The following TTC27 variants were observed in gnomAD, a reference collection of about 807,000 sequenced individuals.
TTC27 encodes the protein tetratricopeptide repeat domain 27.
A neutral mutation model predicts 115.9 loss-of-function variants in TTC27; 79 were observed. That is an observed-to-expected ratio of 0.68 (90% confidence interval 0.57 to 0.82). The LOEUF is 0.82. Among genes scored for constraint, TTC27 ranks in the 40% least tolerant of loss-of-function variants. The pLI is 0.00. For synonymous variants in TTC27, 401 were observed against 356.0 expected (o/e 1.13, Z -1.42); for missense variants, 1,054 against 993.1 (o/e 1.06, Z -0.82).
intron 4 of TTC27, among the ~76,000 whole-genome samples, chr2:32,641,783 A>G (rs879629031): frequency 6.6e-6 from 1 of 152,158 alleles, no homozygotes; most frequent in Admixed American, 6.6e-5. Context: ...GGTTCAAGCA[A>G]TTCTTCTGCC....
chr2:32,787,005 A>T lies in TTC27; in HGVS notation c.1854A>T (p.Leu618Phe), dbSNP rs773481261. 7 of 1,612,750 alleles carry T rather than the reference A, an allele frequency of 4.3e-6. No homozygotes were observed. The highest frequency in any genetic ancestry group is 1.7e-4 in the Middle Eastern group (1 of 6,050). Reference sequence around the variant, plus strand: ...ATAGAGTAAAAGCTTTTAGAACTTTACAAGAAGCTCTCAAGTGTAACTATG... The same window carrying T: ...ATAGAGTAAAAGCTTTTAGAACTTTTCAAGAAGCTCTCAAGTGTAACTATG... ...LKQKVKAFRT[L>F]QEALKCNYEH... Residue 618 changes from leucine to phenylalanine, a missense_variant, in exon 16 of 20, where the codon TTA becomes TTT. By Grantham distance (22) the Leu-to-Phe change is conservative. Transcript: ENST00000317907.
chr2:32,812,533 G>A lies in TTC27; in HGVS notation c.2226G>A (p.Lys742=), dbSNP rs1671348661. The change falls in exon 18 of 20, where the codon AAG becomes AAA. Residue 742 remains lysine (K), a synonymous_variant. Transcript: ENST00000317907. The part of the protein sequence containing the change: ...KAFQCLSKAY[K]CDTQSNCWEK... Reference sequence around the variant, plus strand: ...TCCAGTGCCTCTCAAAGGCATACAAGTGTGACACCCAGTCCAATTGTTGGG... The same window carrying A: ...TCCAGTGCCTCTCAAAGGCATACAAATGTGACACCCAGTCCAATTGTTGGG... 5.0e-6 allele frequency: 8 copies of A among 1,613,866 alleles called. No homozygotes were observed. The highest frequency in any genetic ancestry group is 2.7e-5 in the African/African-American group (2 of 74,912).
intron 8 of TTC27, among the ~76,000 whole-genome samples, chr2:32,673,941 C>T (rs752663011): frequency 2.0e-5 from 3 of 152,086 alleles, no homozygotes; most frequent in South Asian, 2.1e-4. Flanking sequence ...GCTGAGATCA[C>T]GCCACTGCAC....
chr2:32,665,305 C>T (rs1274188508), intron 6 of TTC27, among the ~76,000 whole-genome samples: 1 of 152,096 alleles, frequency 6.6e-6, no homozygotes, highest in Non-Finnish European at 1.5e-5. Context: ...TAACTTGGAA[C>T]ACTGGCCAAG....
intron 9 of TTC27, among the ~76,000 whole-genome samples, chr2:32,686,856 T>C (rs1666647538): frequency 6.6e-6 from 1 of 152,118 alleles, no homozygotes; most frequent in South Asian, 2.1e-4. Flanking sequence ...TTCTTTTGTG[T>C]GTGTGTGAGA....
At chr2:32,736,655 C>T in intron 11 of TTC27, 39 bp from the exon 12 acceptor site, 1 of 1,611,890 alleles carries the variant, frequency 6.2e-7, no homozygotes, top group Non-Finnish European at 8.5e-7. Context: ...TCTCTTTTTA[C>T]ACCAAGAAGT....
chr2:32,803,324 C>T (rs1233143607), intron 16 of TTC27, among the ~76,000 whole-genome samples: 1 of 152,234 alleles, frequency 6.6e-6, no homozygotes, highest in Non-Finnish European at 1.5e-5. Context: ...TGGTCTTCTG[C>T]CTTGATGTGC....
chr2:32,679,708 T>G (rs1488130433), intron 9 of TTC27, among the ~76,000 whole-genome samples: 2 of 152,136 alleles, frequency 1.3e-5, no homozygotes, highest in Non-Finnish European at 2.9e-5. Flanking sequence ...AAAGCTAGAT[T>G]GTGGTTGGGC....
At chr2:32,714,654 G>T (rs1667697131) in intron 10 of TTC27, among the ~76,000 whole-genome samples, 1 of 152,086 alleles carries the variant, frequency 6.6e-6, no homozygotes, top group Non-Finnish European at 1.5e-5. Context: ...TAAGTTCTTT[G>T]AGAAATTGCC....
intron 8 of TTC27, among the ~76,000 whole-genome samples, chr2:32,678,127 C>T (rs114926239): frequency 0.02 from 3,002 of 151,926 alleles, 94 homozygotes; most frequent in African/African-American, 0.069. Flanking sequence ...TGGTGGCGTA[C>T]GCCTGTAGTC....
At chr2:32,663,239 G>C (rs968244726) in intron 5 of TTC27, among the ~76,000 whole-genome samples, 3 of 152,188 alleles carry the variant, frequency 2.0e-5, no homozygotes, top group Non-Finnish European at 4.4e-5. Flanking sequence ...AACTTCTGCA[G>C]CTAGCTTTGT....
At chr2:32,634,574 C>T (rs913764130) in intron 3 of TTC27, among the ~76,000 whole-genome samples, 12 of 151,152 alleles carry the variant, frequency 7.9e-5, no homozygotes, top group African/African-American at 1.5e-4. Context: ...TAGGTGTGAG[C>T]GCTGTACATA....
intron 12 of TTC27, among the ~76,000 whole-genome samples, chr2:32,742,117 A>G (rs916057385): frequency 6.6e-5 from 10 of 152,194 alleles, no homozygotes; most frequent in Non-Finnish European, 1.2e-4. Flanking sequence ...GATTGTTTTC[A>G]TCACTTTACT....
rs574036955 is a variant in TTC27, at chr2:32,777,812, A to G, written c.1681-70A>G. The G allele has an allele frequency of 1.1e-4, 157 of 1,452,240 alleles. 2 individuals carry two copies. In the East Asian group the frequency reaches 3.5e-3, roughly 32 times the overall value. The allele number at this position is 1,452,240 out of a possible 1,614,324, so 90.0% of individuals were successfully genotyped here. A position where few individuals can be genotyped will look rare whatever the true frequency, so the allele number is the denominator to read the frequency against. On this transcript the variant is annotated intron_variant, in intron 13 of 19. Coordinates refer to ENST00000317907, the MANE Select transcript of TTC27 (RefSeq NM_017735.5). ...GGAGTGTGTTTGTTGATAGCATCTTAATAATTTTCAGATTACATTCTGTAA... is the reference window on the plus strand; with the variant it reads ...GGAGTGTGTTTGTTGATAGCATCTTGATAATTTTCAGATTACATTCTGTAA...
intron 7 of TTC27, among the ~76,000 whole-genome samples, chr2:32,669,883 C>CAAA (rs70938358): frequency 5.5e-5 from 6 of 108,828 alleles, no homozygotes; most frequent in Non-Finnish European, 7.1e-5. Context: ...GAGACTTTCT[C>CAAA]AAAAAAAAAA....
intron 10 of TTC27, among the ~76,000 whole-genome samples, chr2:32,723,117 GA>G (rs2151910558): frequency 6.6e-6 from 1 of 152,292 alleles, no homozygotes; most frequent in South Asian, 2.1e-4. Flanking sequence ...TTAATGGGAT[GA>G]AGTAAAATAT....
chr2:32,652,836 A>G (rs1217991620), intron 5 of TTC27, among the ~76,000 whole-genome samples: 5 of 152,208 alleles, frequency 3.3e-5, no homozygotes, highest in Admixed American at 3.3e-4. Context: ...GATCATCAGA[A>G]AGTTGGCAGG....
intron 13 of TTC27, among the ~76,000 whole-genome samples, chr2:32,763,754 C>T (rs1288810614): frequency 2.0e-5 from 3 of 152,176 alleles, no homozygotes; most frequent in East Asian, 1.9e-4. Flanking sequence ...CTTATATTTA[C>T]GCTTTGGAGA....
rs1665679758 is a variant in TTC27, at chr2:32,664,306, T to G, written c.644T>G (p.Met215Arg). The stretch of plus-strand genomic sequence containing the variant: ...TGTTTTATCTTTTGTCTTGCAGTGA[T>G]GAAACTACAGAATCTGTTTGTAGAT... ...TLAENCIDQV[M>R]KLQNLFVDDS... Residue 215 changes from methionine (M) to arginine (R), a missense_variant, in exon 6 of 20, where the codon ATG becomes AGG. Physicochemically the swap from Met to Arg is moderately conservative, Grantham distance 91 (BLOSUM62 -1). Transcript: ENST00000317907. The G allele has an allele frequency of 1.3e-6, 2 of 1,592,472 alleles. No individual in the cohort carries two copies. Among genetic ancestry groups the G allele is most frequent in the Admixed American group, 3.7e-5 (2 of 54,340 alleles).
Sources: gnomAD v4.1 joint callset for allele counts (sites outside exome capture counted in the v4.1 genomes callset) on GRCh38, gnomAD v4.1.1 for gene constraint, MANE v1.5 for transcripts, NCBI Gene and HGNC (gene_info 2026-07-23, HGNC 2026-07-21) for gene names.